SYT9: variants seen among roughly 807,000 people sequenced by gnomAD.
SYT9 encodes synaptotagmin 9, also known as synaptotagmin-9.
A neutral mutation model predicts 48.4 loss-of-function variants in SYT9; 22 were observed. The observed-to-expected ratio is 0.45, with a 90% CI of 0.32 to 0.65. The LOEUF is 0.65. Among genes scored for constraint, SYT9 ranks in the 30% least tolerant of loss-of-function variants. The pLI, the probability that SYT9 is intolerant of heterozygous loss-of-function variation, is 0.03. For synonymous variants in SYT9, 265 were observed against 245.0 expected, an observed-to-expected ratio of 1.08 and a Z score of -0.76; for missense variants, 577 against 622.0, an observed-to-expected ratio of 0.93 and a Z score of 0.77.
rs1420508203 is a variant in SYT9 at position 7,300,118 on chromosome 11, CTT to C, written c.146-2909_146-2908del. 1.9e-4 allele frequency among the ~76,000 whole-genome samples: 28 copies of C among 145,602 alleles called. 2 individuals carry two copies. The South Asian group carries it at 6.1e-3, about 32-fold the overall frequency. Reference sequence around the variant, plus strand: ...TAAATTATATGATCACACAAATTACCTTTTTTTTTTTTTCTGTGCCAACATCC... The same window carrying C: ...TAAATTATATGATCACACAAATTACCTTTTTTTTTTTCTGTGCCAACATCC... On this transcript the variant is annotated intron_variant, in intron 1 of 6. Transcript: ENST00000318881.
At chr11:7,436,620 TTTTGTTTG>T (rs55926700) in intron 6 of SYT9, among the ~76,000 whole-genome samples, 3 of 152,266 alleles carry the variant, frequency 2.0e-5, no homozygotes, top group African/African-American at 4.8e-5. Flanking sequence ...CAGTTGGTTT[TTTTGTTTG>T]TTTGTTTGTT....
chr11:7,458,123 C>T (rs1454255561), intron 6 of SYT9, among the ~76,000 whole-genome samples: 1 of 152,164 alleles, frequency 6.6e-6, no homozygotes, highest in African/African-American at 2.4e-5. Context: ...AATCTTTGCT[C>T]TAGTGAAACT....
chr11:7,410,701 AT>A (rs144558996), intron 3 of SYT9, among the ~76,000 whole-genome samples: 2 of 151,974 alleles, frequency 1.3e-5, no homozygotes, highest in Non-Finnish European at 2.9e-5. Flanking sequence ...TTTGAGTGGA[AT>A]TTTTTTGCAT....
intron 3 of SYT9, among the ~76,000 whole-genome samples, chr11:7,347,535 G>A (rs1215878575): frequency 1.3e-5 from 2 of 152,102 alleles, no homozygotes; most frequent in African/African-American, 2.4e-5. Context: ...GCGCCCAGCC[G>A]AACTATTTCC....
chr11:7,430,673 C>T (rs568389032), intron 6 of SYT9, among the ~76,000 whole-genome samples: 38 of 152,236 alleles, frequency 2.5e-4, no homozygotes, highest in Non-Finnish European at 3.7e-4. Flanking sequence ...TGGCTTGGTG[C>T]GGTCCTCTTG....
intron 6 of SYT9, among the ~76,000 whole-genome samples, chr11:7,453,513 G>A (rs989127037): frequency 5.4e-4 from 82 of 152,296 alleles, no homozygotes; most frequent in African/African-American, 1.7e-3. Flanking sequence ...CCCCTGTGCC[G>A]TGGAGGTTGC....
At chr11:7,420,776 G>A (rs895206304) in intron 6 of SYT9, 141 bp downstream of exon 6, 1 of 1,020,510 alleles carries the variant, frequency 9.8e-7, no homozygotes, top group Non-Finnish European at 1.4e-6. Flanking sequence ...GGGGCTGTTG[G>A]GACTTGCATT....
At chr11:7,292,190 T>C (rs1564849976) in intron 1 of SYT9, among the ~76,000 whole-genome samples, 1 of 152,210 alleles carries the variant, frequency 6.6e-6, no homozygotes, top group Non-Finnish European at 1.5e-5. Flanking sequence ...AGCAGCCTTT[T>C]GGTCTTGTTC....
intron 3 of SYT9, among the ~76,000 whole-genome samples, chr11:7,384,180 T>G (rs1292677972): frequency 6.6e-6 from 1 of 152,158 alleles, no homozygotes; most frequent in Non-Finnish European, 1.5e-5. Flanking sequence ...ATTATTGTTA[T>G]GTAAACATGA....
chr11:7,362,888 G>A (rs1178483093), intron 3 of SYT9, among the ~76,000 whole-genome samples: 1 of 116,642 alleles, frequency 8.6e-6, no homozygotes, highest in African/African-American at 3.2e-5. Context: ...ATGATTTTTT[G>A]CTTTCTAGTT....
intron 3 of SYT9, among the ~76,000 whole-genome samples, chr11:7,400,471 C>G (rs1380271467): frequency 6.6e-6 from 1 of 152,062 alleles, no homozygotes; most frequent in African/African-American, 2.4e-5. Context: ...CTTCATTAAC[C>G]AAACAATGGT....
intron 6 of SYT9, among the ~76,000 whole-genome samples, chr11:7,461,587 G>C (rs1248913370): frequency 1.3e-5 from 2 of 152,144 alleles, no homozygotes; most frequent in African/African-American, 4.8e-5. Flanking sequence ...TGACCAGGCT[G>C]GTCTCGAACT....
At chr11:7,332,742 C>T (rs879916797) in intron 3 of SYT9, among the ~76,000 whole-genome samples, 5 of 152,128 alleles carry the variant, frequency 3.3e-5, no homozygotes, top group African/African-American at 7.2e-5. Context: ...TGCTGCATCC[C>T]CTTCACACAG....
chr11:7,419,844 C>T (rs1045367904), intron 5 of SYT9, among the ~76,000 whole-genome samples: 1 of 151,948 alleles, frequency 6.6e-6, no homozygotes, highest in African/African-American at 2.4e-5. Flanking sequence ...TGCAGTGAGC[C>T]GAGATCATGC....
chr11:7,413,304 C>T (rs760426920), intron 3 of SYT9, among the ~76,000 whole-genome samples: 59 of 152,192 alleles, frequency 3.9e-4, no homozygotes, highest in Non-Finnish European at 3.8e-4. Context: ...GCATCAGTGG[C>T]ATCAAAACCA....
At chr11:7,337,994 A>C (rs1418206616) in intron 3 of SYT9, among the ~76,000 whole-genome samples, 7 of 152,076 alleles carry the variant, frequency 4.6e-5, no homozygotes. Context: ...CTGTCCCTGC[A>C]CTTGTTTTGG....
intron 1 of SYT9, among the ~76,000 whole-genome samples, chr11:7,299,734 C>T (rs1029918070): frequency 1.3e-5 from 2 of 152,124 alleles, no homozygotes; most frequent in African/African-American, 4.8e-5. Context: ...TTGAGATGGA[C>T]AAGATCTCTG....
chr11:7,347,252 A>T (rs1849816251), intron 3 of SYT9, among the ~76,000 whole-genome samples: 1 of 147,322 alleles, frequency 6.8e-6, no homozygotes. Context: ...TTTTTTTGAG[A>T]TGAAGTCTCA....
chr11:7,467,089 T>G lies in SYT9; in HGVS notation c.*289T>G. 1 of 419,960 alleles carries G rather than the reference T, an allele frequency of 2.4e-6. No homozygotes were observed. 26.0% of individuals were successfully genotyped at this position (419,960 alleles called of 1,614,324 possible). A position where few individuals can be genotyped will look rare whatever the true frequency, so the allele number is the denominator to read the frequency against. ...AAACAAATGATAGATATAGTGACAGTACCAAGAGTACCAGGACTCAATGTT... is the reference window on the plus strand; with the variant it reads ...AAACAAATGATAGATATAGTGACAGGACCAAGAGTACCAGGACTCAATGTT... On this transcript the variant is annotated 3_prime_UTR_variant, in exon 7 of 7. Coordinates refer to ENST00000318881, the MANE Select transcript of SYT9 (RefSeq NM_175733.4).
Sources: allele counts gnomAD v4.1 joint callset (sites outside exome capture counted in the v4.1 genomes callset), GRCh38; gene constraint gnomAD v4.1.1; transcripts MANE v1.5; gene names NCBI Gene and HGNC (gene_info 2026-07-23, HGNC 2026-07-21).